DACT2: variants seen among roughly 807,000 people sequenced by gnomAD.
DACT2 encodes dapper homolog 2.
Under a neutral mutation model 22.2 loss-of-function variants are expected in DACT2, and 20 were observed. That is an observed-to-expected ratio of 0.90 (90% CI 0.63 to 1.31). The LOEUF (loss-of-function observed/expected upper bound fraction) is 1.31, where lower values mean the gene tolerates loss of function less well. DACT2 is among the 50% of genes most tolerant of loss of function. DACT2 has a pLI of 0.00. For missense variants in DACT2, 1,048 were observed against 1,061.4 expected (o/e 0.99, Z 0.18); for synonymous variants, 463 against 479.8 (o/e 0.96, Z 0.46).
downstream of DACT2, among the ~76,000 whole-genome samples, chr6:168,303,685 C>T (rs149957994): frequency 1.5e-4 from 23 of 152,300 alleles, no homozygotes; most frequent in East Asian, 4.2e-3. Context: ...TGGACCAAGA[C>T]AGGCTTTAAT....
chr6:168,309,841 C>G (rs997568133), intron 3 of DACT2, among the ~76,000 whole-genome samples: 2 of 152,198 alleles, frequency 1.3e-5, no homozygotes, highest in Non-Finnish European at 2.9e-5. Flanking sequence ...CCGGTTCTCT[C>G]CCCACCAGCG....
In DACT2 at chr6:168,319,639, G is replaced by C. The variant is rs1223636672; in HGVS notation, c.-6C>G. On this transcript the variant is annotated 5_prime_UTR_variant, in exon 1 of 4. Transcript: ENST00000366795. ...GGTCCGCCCGGCGTCCACATCTCCC[G>C]GGCAGGGTCCCGGCCTCCCGAACCC... is the stretch of plus-strand genomic sequence containing the variant. 7.9e-7 allele frequency: 1 copy of C among 1,270,216 alleles called. No individual in the cohort carries two copies. Among genetic ancestry groups the C allele is most frequent in the Admixed American group, 4.1e-5 (1 of 24,646 alleles). 78.7% of individuals were successfully genotyped at this position (1,270,216 alleles called of 1,614,324 possible).
intron 1 of DACT2, among the ~76,000 whole-genome samples, chr6:168,311,650 A>G (rs535791147): frequency 6.6e-4 from 100 of 151,160 alleles, no homozygotes; most frequent in Middle Eastern, 6.9e-3. Flanking sequence ...ACACACTCAC[A>G]CACACACCCA....
chr6:168,294,577 G>GTGTATATATA (rs1177617130), intron 4 of DACT2: 4 of 124,464 alleles, frequency 3.2e-5, no homozygotes, highest in African/African-American at 5.7e-5. Flanking sequence ...GTGTGTGTGT[G>GTGTATATATA]TATATATATA....
At chr6:168,312,525 T>C (rs1221730980) in intron 1 of DACT2, among the ~76,000 whole-genome samples, 1 of 152,242 alleles carries the variant, frequency 6.6e-6, no homozygotes, top group Admixed American at 6.5e-5. Flanking sequence ...ATCACAGCCC[T>C]GCCCTGAGAG....
At chr6:168,318,153 C>T (rs1779559749) in intron 1 of DACT2, among the ~76,000 whole-genome samples, 1 of 152,240 alleles carries the variant, frequency 6.6e-6, no homozygotes, top group South Asian at 2.1e-4. Flanking sequence ...ACAGAGGCTG[C>T]GATTGTGTCT....
downstream of DACT2, among the ~76,000 whole-genome samples, chr6:168,305,541 C>T (rs1376196233): frequency 6.6e-6 from 1 of 152,096 alleles, no homozygotes; most frequent in Non-Finnish European, 1.5e-5. Context: ...CAAGCTCCTG[C>T]GAAAAGCACC....
chr6:168,310,224 C>G lies in DACT2; in HGVS notation c.602G>C (p.Ser201Thr). 6.4e-7 allele frequency: 1 copy of G among 1,551,146 alleles called. No individual in the cohort carries two copies. The highest frequency in any genetic ancestry group is 8.7e-7 in the Non-Finnish European group (1 of 1,147,026). ...CCACGGCTGGCCTGCATCCTCCACGCTCCCTGGGGGCCTGGCGCCCTCCTC... is the reference window on the plus strand; with the variant it reads ...CCACGGCTGGCCTGCATCCTCCACGGTCCCTGGGGGCCTGGCGCCCTCCTC... ...ATEEGARPPG[S>T]VEDAGQPWGT... Residue 201 changes from serine (S) to threonine (T), a missense_variant, in exon 3 of 4, where the codon AGC becomes ACC. Coordinates refer to ENST00000366795, the MANE Select transcript of DACT2 (RefSeq NM_214462.5).
chr6:168,300,638 A>C (rs879874644), intron 3 of DACT2: 1 of 152,216 alleles, frequency 6.6e-6, no homozygotes, highest in Non-Finnish European at 1.5e-5. Flanking sequence ...AAATTCAAAA[A>C]TAGAAATTAA....
chr6:168,296,420 G>C (rs992070231), intron 3 of DACT2, among the ~76,000 whole-genome samples: 2 of 149,632 alleles, frequency 1.3e-5, no homozygotes, highest in Non-Finnish European at 3.0e-5. Context: ...CAGGCACCCG[G>C]AATCAGGGAA....
At chr6:168,304,518 T>C (rs1779164737), downstream of DACT2, among the ~76,000 whole-genome samples, 1 of 152,220 alleles carries the variant, frequency 6.6e-6, no homozygotes, top group Non-Finnish European at 1.5e-5. Context: ...CTATCTGCCC[T>C]GGGCCTGCAC....
In DACT2 at chr6:168,307,583, G is replaced by C; in HGVS notation, c.2174C>G (p.Ala725Gly). Reference protein sequence around the residue: ...LALGYVAAGHAELAWTQEAPV... With the variant: ...LALGYVAAGHGELAWTQEAPV... ...GGCCTCCTGGGTCCAGGCCAGCTCC[G>C]CATGCCCGGCCGCCACATAGCCCAG... Residue 725 changes from alanine to glycine, a missense_variant, in exon 4 of 4, where the codon GCG becomes GGG. By Grantham distance (60) the Ala-to-Gly change is moderately conservative (BLOSUM62 0). Coordinates refer to ENST00000366795, the MANE Select transcript of DACT2 (RefSeq NM_214462.5). This position sits in a 1 kb window ranked among gnomAD's most constrained non-coding sequence, Gnocchi z 5.3. 6.5e-7 allele frequency: 1 copy of C among 1,549,852 alleles called. No homozygotes were observed. Among genetic ancestry groups the C allele is most frequent in the Non-Finnish European group, 8.7e-7 (1 of 1,146,298 alleles).
chr6:168,294,205 A>G (rs1166233998), intron 4 of DACT2: 1 of 702,864 alleles, frequency 1.4e-6, no homozygotes, highest in Non-Finnish European at 2.6e-6. Context: ...CACCTAACAC[A>G]GAGAGAAGGC....
At chr6:168,295,334 G>A (rs752930426) in intron 3 of DACT2, among the ~76,000 whole-genome samples, 6 of 152,314 alleles carry the variant, frequency 3.9e-5, no homozygotes, top group South Asian at 2.1e-4. Flanking sequence ...GGAAAGAGGA[G>A]TGTTATTTAC....
At chr6:168,310,121 C>A (rs1327801649) in intron 3 of DACT2, 47 bp downstream of exon 3, 1 of 1,543,280 alleles carries the variant, frequency 6.5e-7, no homozygotes. Context: ...ACTCTGCCAT[C>A]CCCTGTGCCT....
At chr6:168,301,902 G>A (rs1377737419) in intron 3 of DACT2, among the ~76,000 whole-genome samples, 1 of 152,206 alleles carries the variant, frequency 6.6e-6, no homozygotes, top group African/African-American at 2.4e-5. Context: ...GTCCACACCT[G>A]GTGACTGTCC....
rs145010590 is a variant in DACT2 at position 168,295,423 on chromosome 6, C to T, written c.659-719G>A. On this transcript the variant is annotated intron_variant, in intron 3 of 5. Transcript: ENST00000366796. ...AGAACCCACAGGCAAATTCCCAAAACTAGTGAGAGGGTTTAATAAGGCTGC... is the reference window on the plus strand; with the variant it reads ...AGAACCCACAGGCAAATTCCCAAAATTAGTGAGAGGGTTTAATAAGGCTGC... 9.7e-4 allele frequency among the ~76,000 whole-genome samples: 147 copies of T among 152,232 alleles called. 1 individual carries two copies. Among genetic ancestry groups the T allele is most frequent in the African/African-American group, 3.3e-3 (137 of 41,536 alleles).
rs1779594387 is a variant in DACT2 at position 168,319,479 on chromosome 6, G to A, written c.155C>T (p.Pro52Leu). 5 of 1,203,782 alleles carry A rather than the reference G, an allele frequency of 4.2e-6. No individual in the cohort carries two copies. Among genetic ancestry groups the A allele is most frequent in the Non-Finnish European group, 5.1e-6 (5 of 971,236 alleles). The allele number at this position is 1,203,782 out of a possible 1,614,324, so 74.6% of individuals were successfully genotyped here. Reference sequence around the variant, plus strand: ...GCCGCAGGGCGCGGCGGGCGCGGGCGGGGGCTGCAGGGCCAGGGCGCCCCG... The same window carrying A: ...GCCGCAGGGCGCGGCGGGCGCGGGCAGGGGCTGCAGGGCCAGGGCGCCCCG... Reference protein sequence around the residue: ...RVRGALALQPPPAPAAPCGPH... With the variant: ...RVRGALALQPLPAPAAPCGPH... Residue 52 changes from proline to leucine, a missense_variant, in exon 1 of 4, where the codon CCG (proline) becomes CTG (leucine). Physicochemically the swap from Pro to Leu is moderately conservative, Grantham distance 98. Transcript: ENST00000366795.
chr6:168,293,669 C>T, exon 6 of DACT2: 1 of 566,016 alleles, frequency 1.8e-6, no homozygotes, highest in Non-Finnish European at 3.2e-6. Flanking sequence ...ACGTCCATTA[C>T]TCCCTCACTT....
Sources: allele counts gnomAD v4.1 joint callset (sites outside exome capture counted in the v4.1 genomes callset), GRCh38; gene constraint gnomAD v4.1.1; non-coding constraint Gnocchi (gnomAD v3.1); transcripts MANE v1.5; gene names NCBI Gene and HGNC (gene_info 2026-07-23, HGNC 2026-07-21).